Variants in BCL2L13 observed in about 807,000 individuals in gnomAD.
The protein encoded by BCL2L13 is BCL2 like 13, also known as bcl-2-like protein 13.
BCL2L13 carries 13 observed loss-of-function variants against 25.8 expected under a neutral mutation model. That is an observed-to-expected ratio of 0.50 (90% CI 0.33 to 0.80). The LOEUF is 0.80. Ranked by LOEUF, BCL2L13 falls within the 30% of genes least tolerant of loss-of-function variation. The pLI is 0.02. For synonymous variants in BCL2L13, 244 were observed against 230.3 expected, an observed-to-expected ratio of 1.06 and a Z score of -0.54; for missense variants, 504 against 574.9, an observed-to-expected ratio of 0.88 and a Z score of 1.26.
intron 4 of BCL2L13, among the ~76,000 whole-genome samples, chr22:17,691,617 G>T (rs1473761668): frequency 2.0e-5 from 3 of 152,066 alleles, no homozygotes; most frequent in Non-Finnish European, 2.9e-5. Context: ...CTGCACTCCA[G>T]CCTGGGTGAC....
At chr22:17,630,584 T>G (rs1394803699) in intron 1 of BCL2L13, among the ~76,000 whole-genome samples, 2 of 143,358 alleles carry the variant, frequency 1.4e-5, no homozygotes, top group Non-Finnish European at 3.1e-5. Flanking sequence ...GGCCTTCTTT[T>G]TCTTTTCTTT....
At chr22:17,658,784 C>T (rs1299156390) in intron 2 of BCL2L13, among the ~76,000 whole-genome samples, 1 of 150,590 alleles carries the variant, frequency 6.6e-6, no homozygotes, top group African/African-American at 2.4e-5. Flanking sequence ...TTGGGCCAGG[C>T]ACGGTGGCTC....
intron 4 of BCL2L13, among the ~76,000 whole-genome samples, chr22:17,690,721 C>T (rs1470611275): frequency 6.6e-6 from 1 of 152,108 alleles, no homozygotes; most frequent in Admixed American, 6.6e-5. Flanking sequence ...TATGATCACA[C>T]CACTGTGGCA....
chr22:17,669,782 A>G (rs555091239), intron 2 of BCL2L13, among the ~76,000 whole-genome samples: 22 of 152,310 alleles, frequency 1.4e-4, no homozygotes, highest in Non-Finnish European at 2.1e-4. Flanking sequence ...AGAGACCTGG[A>G]GCTCACACAT....
At chr22:17,640,579 G>C (rs1350551090) in intron 1 of BCL2L13, among the ~76,000 whole-genome samples, 3 of 152,112 alleles carry the variant, frequency 2.0e-5, no homozygotes, top group East Asian at 3.9e-4. Context: ...ATTTCATTTG[G>C]CTGTTTGCGA....
chr22:17,695,406 C>T (rs892871810), intron 4 of BCL2L13, among the ~76,000 whole-genome samples: 3 of 152,292 alleles, frequency 2.0e-5, no homozygotes, highest in East Asian at 3.9e-4. Context: ...ACTGCAATCT[C>T]CGCCTCCCTG....
Position 17,728,516 on chromosome 22 carries a change from CTA to C in BCL2L13, c.*984_*985del, listed in dbSNP as rs1359577741. The C allele has an allele frequency of 6.6e-6, 1 of 152,182 alleles. No individual in the cohort carries two copies. Among genetic ancestry groups the C allele is most frequent in the African/African-American group, 2.4e-5 (1 of 41,438 alleles). The allele number at this position is 152,182 out of a possible 1,614,324, so 9.4% of individuals were successfully genotyped here. The stretch of plus-strand genomic sequence containing the variant: ...CCATGGTTACTTGCCAGCAACATCT[CTA>C]TTGCTGGATGGTCCCTGTCTATAAC... On this transcript the variant is annotated 3_prime_UTR_variant, in exon 7 of 7. Coordinates refer to ENST00000317582, the MANE Select transcript of BCL2L13 (RefSeq NM_015367.4).
At chr22:17,648,328 G>C (rs1361192352) in intron 1 of BCL2L13, among the ~76,000 whole-genome samples, 1 of 151,904 alleles carries the variant, frequency 6.6e-6, no homozygotes, top group African/African-American at 2.4e-5. Context: ...AGTGTTCTTG[G>C]GATCTGACTT....
Position 17,698,555 on chromosome 22 carries a change from TTAA to T in BCL2L13, c.456+2346_456+2348del, listed in dbSNP as rs2060336425. Among the ~76,000 whole-genome samples the T allele has an allele frequency of 3.1e-5, 3 of 97,772 alleles. 1 individual carries two copies. The highest frequency in any genetic ancestry group is 4.9e-5 in the African/African-American group (1 of 20,362). 64.1% of individuals were successfully genotyped at this position (97,772 alleles called of 152,430 possible). A position where few individuals can be genotyped will look rare whatever the true frequency, so the allele number is the denominator to read the frequency against. On this transcript the variant is annotated intron_variant, in intron 5 of 6. Coordinates refer to ENST00000317582, the MANE Select transcript of BCL2L13 (RefSeq NM_015367.4). The stretch of plus-strand genomic sequence containing the variant: ...GGGCAACATAGCAAGACCCTGTCTC[TTAA>T]AAAAAAAAAAAAAAAAAAAGCCATA...
chr22:17,640,701 TAA>T (rs572383716), intron 1 of BCL2L13, among the ~76,000 whole-genome samples: 1 of 141,050 alleles, frequency 7.1e-6, no homozygotes, highest in Non-Finnish European at 1.5e-5. Context: ...CACAAAAAAT[TAA>T]AAAAAAAAAA....
Position 17,726,747 on chromosome 22 carries a change from T to C in BCL2L13, c.671T>C (p.Ile224Thr), listed in dbSNP as rs1265462388. The change falls in exon 7 of 7, where the codon ATT becomes ACT. Residue 224 changes from isoleucine (I) to threonine (T), a missense_variant. Ile to Thr is a moderately conservative substitution (Grantham distance 89, BLOSUM62 -1). Coordinates refer to ENST00000317582, the MANE Select transcript of BCL2L13 (RefSeq NM_015367.4). ...PGITAEDSND[I>T]YILPSDNSGQ... The stretch of plus-strand genomic sequence containing the variant: ...ATCACTGCAGAAGATAGCAATGACA[T>C]TTACATCCTGCCCAGCGACAACTCT... 7 of 1,614,172 alleles carry C rather than the reference T, an allele frequency of 4.3e-6. No individual in the cohort carries two copies. The Admixed American group carries it at 1.0e-4, about 23-fold the overall frequency.
At chr22:17,685,375 A>T (rs2059894890) in intron 3 of BCL2L13, among the ~76,000 whole-genome samples, 1 of 151,450 alleles carries the variant, frequency 6.6e-6, no homozygotes, top group Non-Finnish European at 1.5e-5. Context: ...ACAGGTACCC[A>T]CCACCACGCC....
intron 6 of BCL2L13, among the ~76,000 whole-genome samples, chr22:17,708,643 CAAAA>C (rs752132835): frequency 2.0e-5 from 3 of 152,030 alleles, no homozygotes; most frequent in African/African-American, 7.2e-5. Flanking sequence ...AAAACAAAAA[CAAAA>C]AAGACGCAGT....
rs1202221809 is a variant in BCL2L13, at chr22:17,728,692, T to C, written c.*1158T>C. On this transcript the variant is annotated 3_prime_UTR_variant, in exon 7 of 7. Transcript: ENST00000317582. ...CTTATGAAATAGAGAGTGTCCTAAA[T>C]ATCACTGAAATAAAAAGTAGGAAAA... The C allele has an allele frequency of 1.3e-5, 2 of 152,200 alleles. No homozygotes were observed. The highest frequency in any genetic ancestry group is 2.9e-5 in the Non-Finnish European group (2 of 68,036). The allele number at this position is 152,200 out of a possible 1,614,324, so 9.4% of individuals were successfully genotyped here. A position where few individuals can be genotyped will look rare whatever the true frequency, so the allele number is the denominator to read the frequency against.
upstream of BCL2L13, among the ~76,000 whole-genome samples, chr22:17,633,856 C>T (rs2058065818): frequency 6.6e-6 from 1 of 152,030 alleles, no homozygotes; most frequent in Non-Finnish European, 1.5e-5. Flanking sequence ...CAATTTACAA[C>T]TCTGTCATGG....
chr22:17,656,155 G>A (rs528257425), intron 2 of BCL2L13, among the ~76,000 whole-genome samples: 4 of 150,152 alleles, frequency 2.7e-5, no homozygotes, highest in African/African-American at 7.3e-5. Flanking sequence ...CAGGAGAATC[G>A]CTTGAACCCG....
chr22:17,632,406 A>G (rs768455241), intron 1 of BCL2L13, among the ~76,000 whole-genome samples: 2 of 152,176 alleles, frequency 1.3e-5, no homozygotes, highest in Non-Finnish European at 2.9e-5. Flanking sequence ...ATTGAGCTAA[A>G]CTAGATTGGA....
chr22:17,714,032 A>G, intron 6 of BCL2L13, among the ~76,000 whole-genome samples: 1 of 149,466 alleles, frequency 6.7e-6, no homozygotes, highest in African/African-American at 2.5e-5. Flanking sequence ...GGAGGCTCAC[A>G]CCTGTAATCC....
chr22:17,669,732 G>A (rs2059356418), intron 2 of BCL2L13, among the ~76,000 whole-genome samples: 1 of 152,158 alleles, frequency 6.6e-6, no homozygotes, highest in South Asian at 2.1e-4. Flanking sequence ...GGATTAATGA[G>A]TTATGTGAGT....
Sources: gnomAD v4.1 joint callset for allele counts (sites outside exome capture counted in the v4.1 genomes callset) on GRCh38, gnomAD v4.1.1 for gene constraint, MANE v1.5 for transcripts, NCBI Gene and HGNC (gene_info 2026-07-23, HGNC 2026-07-21) for gene names.